The following LDB2 variants were observed in gnomAD, a reference collection of about 807,000 sequenced individuals.
LDB2 encodes the protein LIM domain binding 2, also known as LIM domain-binding protein 2.
A neutral mutation model predicts 44.3 loss-of-function variants in LDB2; 12 were observed. The ratio of observed to expected loss-of-function variants is 0.27; its 90% CI spans 0.17 to 0.44. The LOEUF (loss-of-function observed/expected upper bound fraction) is 0.44. LDB2 is among the 20% of genes least tolerant of loss of function. The probability of loss-of-function intolerance (pLI) is 1.00; values close to 1 mark genes in which losing one functional copy is unlikely to be tolerated. For synonymous variants in LDB2, 164 were observed against 174.8 expected, an observed-to-expected ratio of 0.94 and a Z score of 0.49; for missense variants, 344 against 473.5, an observed-to-expected ratio of 0.73 and a Z score of 2.54.
chr4:16,885,867 T>A (rs1202853439), intron 1 of LDB2, among the ~76,000 whole-genome samples: 1 of 152,150 alleles, frequency 6.6e-6, no homozygotes, highest in Non-Finnish European at 1.5e-5. Context: ...ATTATAATAG[T>A]CATCATAGTT....
chr4:16,575,370 C>T (rs938886343), intron 5 of LDB2, among the ~76,000 whole-genome samples: 1 of 152,086 alleles, frequency 6.6e-6, no homozygotes, highest in Non-Finnish European at 1.5e-5. Context: ...AAAAATAACA[C>T]CCCACTTTCA....
At chr4:16,677,849 T>C (rs1035482519) in intron 2 of LDB2, among the ~76,000 whole-genome samples, 1 of 152,226 alleles carries the variant, frequency 6.6e-6, no homozygotes, top group African/African-American at 2.4e-5. Context: ...AATTTCTGCA[T>C]GTTAGTCTAT....
At chr4:16,539,032 A>G (rs1165984750) in intron 5 of LDB2, among the ~76,000 whole-genome samples, 4 of 152,182 alleles carry the variant, frequency 2.6e-5, no homozygotes, top group African/African-American at 9.6e-5. Flanking sequence ...CAATCTTAAG[A>G]TGCTTGTAAG....
intron 2 of LDB2, among the ~76,000 whole-genome samples, chr4:16,631,694 C>T (rs974075463): frequency 1.3e-5 from 2 of 151,910 alleles, no homozygotes; most frequent in African/African-American, 4.8e-5. Flanking sequence ...GCTAGCAAGA[C>T]TGATAAAGAA....
intron 2 of LDB2, among the ~76,000 whole-genome samples, chr4:16,642,553 C>A (rs1023406355): frequency 3.9e-5 from 6 of 152,044 alleles, no homozygotes; most frequent in South Asian, 2.1e-4. Context: ...CATGAAGGAA[C>A]AAGATAACAT....
intron 2 of LDB2, among the ~76,000 whole-genome samples, chr4:16,739,561 C>T (rs1450145508): frequency 2.6e-5 from 3 of 114,222 alleles, no homozygotes; most frequent in Non-Finnish European, 3.5e-5. Context: ...ACTCCAGCCT[C>T]GGTGACAGAG....
chr4:16,620,118 G>T (rs1441326161), intron 2 of LDB2, among the ~76,000 whole-genome samples: 9 of 152,146 alleles, frequency 5.9e-5, no homozygotes, highest in Non-Finnish European at 8.8e-5. Context: ...TTGTCCAAAA[G>T]TTCCATGAAG....
intron 1 of LDB2, among the ~76,000 whole-genome samples, chr4:16,779,947 T>G (rs1772808503): frequency 6.6e-6 from 1 of 152,250 alleles, no homozygotes; most frequent in African/African-American, 2.4e-5. Context: ...TTTTTGAAAC[T>G]GTTAAAATGT....
intron 1 of LDB2, among the ~76,000 whole-genome samples, chr4:16,849,610 G>A (rs1787788434): frequency 6.6e-6 from 1 of 152,194 alleles, no homozygotes; most frequent in Non-Finnish European, 1.5e-5. Context: ...TCCAATTGAT[G>A]TATTAACTCT....
At chr4:16,627,240 C>A (rs953580314) in intron 2 of LDB2, among the ~76,000 whole-genome samples, 2 of 152,180 alleles carry the variant, frequency 1.3e-5, no homozygotes. Flanking sequence ...ATGCTTAAAA[C>A]ATCTGGAAGT....
intron 2 of LDB2, among the ~76,000 whole-genome samples, chr4:16,623,566 T>C (rs1729460820): frequency 6.6e-6 from 1 of 152,036 alleles, no homozygotes; most frequent in South Asian, 2.1e-4. Context: ...CACTGCACTG[T>C]AGCGTGGCTG....
intron 5 of LDB2, among the ~76,000 whole-genome samples, chr4:16,553,648 T>G (rs899937167): frequency 4.6e-5 from 7 of 152,222 alleles, no homozygotes; most frequent in African/African-American, 1.2e-4. Context: ...TAAGAAAGCT[T>G]CTTTTCCTAT....
chr4:16,699,151 A>T (rs1266864715), intron 2 of LDB2, among the ~76,000 whole-genome samples: 1 of 152,254 alleles, frequency 6.6e-6, no homozygotes, highest in African/African-American at 2.4e-5. Context: ...AGATGATGGC[A>T]TCTTCAGGGG....
At chr4:16,586,550 C>CAT (rs796273220) in intron 4 of LDB2, among the ~76,000 whole-genome samples, 1 of 136,870 alleles carries the variant, frequency 7.3e-6, no homozygotes, top group African/African-American at 2.7e-5. Flanking sequence ...CACACACACA[C>CAT]ATATATATGG....
At chr4:16,895,152 T>C (rs893965598) in intron 1 of LDB2, among the ~76,000 whole-genome samples, 20 of 151,812 alleles carry the variant, frequency 1.3e-4, no homozygotes, top group African/African-American at 4.8e-4. Context: ...ATCTGAATTT[T>C]CAATTAAAGG....
intron 2 of LDB2, among the ~76,000 whole-genome samples, chr4:16,753,903 A>C (rs1218921986): frequency 6.6e-6 from 1 of 152,242 alleles, no homozygotes. Flanking sequence ...AACGCCCATC[A>C]ATGTGTTATG....
At chr4:16,770,215 G>A (rs1479315883) in intron 1 of LDB2, among the ~76,000 whole-genome samples, 4 of 152,124 alleles carry the variant, frequency 2.6e-5, no homozygotes, top group Non-Finnish European at 2.9e-5. Context: ...TCTTACCCAT[G>A]TCTGGTGTGT....
In LDB2 at chr4:16,739,706, GTATATATGTA is replaced by G. The variant is rs1762795455; in HGVS notation, c.235+19442_235+19451del. On this transcript the variant is annotated intron_variant, in intron 2 of 7. Coordinates refer to ENST00000304523, the MANE Select transcript of LDB2 (RefSeq NM_001290.5). Reference sequence around the variant, plus strand: ...TATATATGTATATATACATATATGTGTATATATGTATATATACATATATGTGTATATACAT... The same window carrying G: ...TATATATGTATATATACATATATGTGTATATACATATATGTGTATATACAT... Among the ~76,000 whole-genome samples, 2 of 46,074 alleles carry G rather than the reference GTATATATGTA, an allele frequency of 4.3e-5. 1 individual carries two copies. The highest frequency in any genetic ancestry group is 1.5e-4 in the African/African-American group (2 of 13,520). The allele number at this position is 46,074 out of a possible 152,430, so 30.2% of individuals were successfully genotyped here. A position where few individuals can be genotyped will look rare whatever the true frequency, so the allele number is the denominator to read the frequency against.
intron 2 of LDB2, among the ~76,000 whole-genome samples, chr4:16,703,816 A>G (rs1754014004): frequency 6.6e-6 from 1 of 152,234 alleles, no homozygotes; most frequent in South Asian, 2.1e-4. Context: ...AATACCACCA[A>G]TTGCAGACTG....
Sources: allele counts gnomAD v4.1 joint callset (sites outside exome capture counted in the v4.1 genomes callset), GRCh38; gene constraint gnomAD v4.1.1; transcripts MANE v1.5; gene names NCBI Gene and HGNC (gene_info 2026-07-23, HGNC 2026-07-21).